The following RANBP2 variants were observed in gnomAD, a reference collection of about 807,000 sequenced individuals.
The protein encoded by RANBP2 is RAN binding protein 2.
Under a neutral mutation model 303.6 loss-of-function variants are expected in RANBP2, and 57 were observed. The ratio of observed to expected loss-of-function variants is 0.19; its 90% CI spans 0.15 to 0.23. The LOEUF is 0.23. Ranked by LOEUF, RANBP2 falls within the 10% of genes least tolerant of loss-of-function variation. The probability of loss-of-function intolerance (pLI) is 1.00; values close to 1 mark genes in which losing one functional copy is unlikely to be tolerated. For synonymous variants in RANBP2, 1,167 were observed against 1,301.5 expected (o/e 0.90, Z 2.23); for missense variants, 3,138 against 3,780.8 (o/e 0.83, Z 4.46).
At chr2:109,293,025 C>T in the RANBP2 span, among the ~76,000 whole-genome samples, 1 of 152,200 alleles carries the variant, frequency 6.6e-6, no homozygotes, top group Non-Finnish European at 1.5e-5. Flanking sequence ...AGGCACCGCA[C>T]CCCAATTTGA....
the RANBP2 span, among the ~76,000 whole-genome samples, chr2:108,834,745 A>G: frequency 6.6e-6 from 1 of 152,148 alleles, no homozygotes; most frequent in African/African-American, 2.4e-5. Flanking sequence ...CCGTTTAACA[A>G]TATCTTCCCA....
the RANBP2 span, among the ~76,000 whole-genome samples, chr2:109,306,385 A>G: frequency 6.6e-6 from 1 of 152,194 alleles, no homozygotes; most frequent in Admixed American, 6.5e-5. Context: ...GAGTGCTTGG[A>G]GATTCCTCCT....
the RANBP2 span, among the ~76,000 whole-genome samples, chr2:109,113,851 T>C: frequency 6.6e-6 from 1 of 152,256 alleles, no homozygotes; most frequent in African/African-American, 2.4e-5. Flanking sequence ...TGAAGAGTTG[T>C]TGAATTTTGT....
chr2:109,663,178 A>G, the RANBP2 span, among the ~76,000 whole-genome samples: 1 of 152,100 alleles, frequency 6.6e-6, no homozygotes, highest in Admixed American at 6.6e-5. Flanking sequence ...TTCTCATTCT[A>G]TCAAAATCCT....
At chr2:108,792,782 C>T in the RANBP2 span, among the ~76,000 whole-genome samples, 22 of 152,138 alleles carry the variant, frequency 1.4e-4, no homozygotes, top group Admixed American at 3.3e-4. Context: ...CACTGAGCGT[C>T]GGCCAGGCGC....
chr2:108,881,347 G>C, the RANBP2 span, among the ~76,000 whole-genome samples: 2,017 of 152,336 alleles, frequency 0.013, 64 homozygotes, highest in South Asian at 0.086. Context: ...GAATTGAAGA[G>C]AGTTAGGGCC....
At chr2:108,752,792 C>CAAA (rs376345958) in intron 12 of RANBP2, among the ~76,000 whole-genome samples, 1 of 130,342 alleles carries the variant, frequency 7.7e-6, no homozygotes, top group Non-Finnish European at 1.7e-5. Flanking sequence ...GACTCTGTCT[C>CAAA]AAAAAAAAAA....
At chr2:109,430,389 A>G in the RANBP2 span, among the ~76,000 whole-genome samples, 2 of 151,534 alleles carry the variant, frequency 1.3e-5, no homozygotes, top group African/African-American at 2.4e-5. Context: ...TCCTCCCTGC[A>G]CTCTTCCTCT....
At chr2:109,088,216 G>C in the RANBP2 span, among the ~76,000 whole-genome samples, 2 of 152,010 alleles carry the variant, frequency 1.3e-5, no homozygotes, top group Non-Finnish European at 2.9e-5. Context: ...GGCCAACATG[G>C]TGAAACCTCA....
chr2:109,615,006 A>G, the RANBP2 span: 2 of 1,544,718 alleles, frequency 1.3e-6, no homozygotes, highest in Non-Finnish European at 1.7e-6. Flanking sequence ...CCCGGGGCCC[A>G]GCGAGGACCT....
the RANBP2 span, among the ~76,000 whole-genome samples, chr2:108,850,731 G>A: frequency 9.2e-5 from 14 of 152,232 alleles, no homozygotes; most frequent in Admixed American, 2.6e-4. Flanking sequence ...GATTACAGGC[G>A]TGAGCCACTG....
chr2:108,820,276 C>G, the RANBP2 span, among the ~76,000 whole-genome samples: 1 of 151,904 alleles, frequency 6.6e-6, no homozygotes, highest in East Asian at 1.9e-4. Context: ...AAAATTATGT[C>G]AGAGGAGCAA....
At chr2:108,975,316 G>GTGTCTTCTA in the RANBP2 span, among the ~76,000 whole-genome samples, 2 of 152,228 alleles carry the variant, frequency 1.3e-5, no homozygotes, top group African/African-American at 4.8e-5. Context: ...GTTCCCACCC[G>GTGTCTTCTA]TGTCTTCTAT....
the RANBP2 span, among the ~76,000 whole-genome samples, chr2:109,524,462 A>C: frequency 6.3e-5 from 4 of 63,260 alleles, no homozygotes; most frequent in East Asian, 3.1e-4. Flanking sequence ...AAAAAAAAAA[A>C]AAAACAAAAC....
chr2:109,154,479 A>C, the RANBP2 span, among the ~76,000 whole-genome samples: 1 of 152,152 alleles, frequency 6.6e-6, no homozygotes, highest in East Asian at 1.9e-4. Context: ...AGCCTTTTTG[A>C]GGGGCCAGGC....
the RANBP2 span, among the ~76,000 whole-genome samples, chr2:109,181,478 G>A: frequency 2.0e-5 from 3 of 151,854 alleles, no homozygotes; most frequent in African/African-American, 7.3e-5. Flanking sequence ...GATTCCACTG[G>A]TGTAACACAC....
the RANBP2 span, among the ~76,000 whole-genome samples, chr2:109,736,655 T>TA: frequency 3.3e-5 from 5 of 151,810 alleles, no homozygotes; most frequent in African/African-American, 9.7e-5. Context: ...AAATTTGTAC[T>TA]AAAAAAAATC....
At chr2:109,414,602 CAT>C in the RANBP2 span, among the ~76,000 whole-genome samples, 3 of 152,134 alleles carry the variant, frequency 2.0e-5, no homozygotes, top group African/African-American at 7.2e-5. Flanking sequence ...TGCATTGCCT[CAT>C]AGATCAGCTA....
the RANBP2 span, chr2:109,616,005 G>A: frequency 6.5e-7 from 1 of 1,535,908 alleles, no homozygotes; most frequent in Non-Finnish European, 8.7e-7. Flanking sequence ...AGTGGGGGAG[G>A]AACGACCTGT....
Sources: allele counts gnomAD v4.1 joint callset (sites outside exome capture counted in the v4.1 genomes callset), GRCh38; gene constraint gnomAD v4.1.1; transcripts MANE v1.5; gene names NCBI Gene and HGNC (gene_info 2026-07-23, HGNC 2026-07-21).